The following PHACTR1 variants were observed in gnomAD, a reference collection of about 807,000 sequenced individuals.
The protein encoded by PHACTR1 is phosphatase and actin regulator 1.
Under a neutral mutation model 69.2 loss-of-function variants are expected in PHACTR1, and 16 were observed. The ratio of observed to expected loss-of-function variants is 0.23; its 90% CI spans 0.16 to 0.35. The LOEUF (loss-of-function observed/expected upper bound fraction) is 0.35. PHACTR1 is among the 10% of genes least tolerant of loss of function. The pLI, the probability that PHACTR1 is intolerant of heterozygous loss-of-function variation, is 1.00. For synonymous variants in PHACTR1, 312 were observed against 284.5 expected (o/e 1.10, Z -0.97); for missense variants, 510 against 734.7 (o/e 0.69, Z 3.54).
At chr6:13,006,052 T>C (rs758660001) in intron 4 of PHACTR1, among the ~76,000 whole-genome samples, 1 of 152,204 alleles carries the variant, frequency 6.6e-6, no homozygotes, top group Non-Finnish European at 1.5e-5. Flanking sequence ...TAAACGGCCC[T>C]GAGGGACTCA....
intron 7 of PHACTR1, among the ~76,000 whole-genome samples, chr6:13,186,028 C>T (rs975794770): frequency 6.6e-6 from 1 of 152,168 alleles, no homozygotes; most frequent in East Asian, 1.9e-4. Flanking sequence ...ATACTGAGTT[C>T]TATAAGAGTC....
intron 4 of PHACTR1, among the ~76,000 whole-genome samples, chr6:12,989,601 C>T (rs1353193751): frequency 6.6e-6 from 1 of 152,158 alleles, no homozygotes; most frequent in East Asian, 1.9e-4. Context: ...TCAACACTGC[C>T]TGTAGGATAT....
intron 6 of PHACTR1, among the ~76,000 whole-genome samples, chr6:13,177,655 G>A (rs989247965): frequency 4.6e-5 from 7 of 152,228 alleles, no homozygotes; most frequent in African/African-American, 7.2e-5. Context: ...CCAAAACCAG[G>A]GGGTGTCCCT....
At chr6:12,880,909 C>CTGATAATCAAA (rs1783028282) in intron 4 of PHACTR1, among the ~76,000 whole-genome samples, 1 of 152,032 alleles carries the variant, frequency 6.6e-6, no homozygotes, top group African/African-American at 2.4e-5. Flanking sequence ...GATTATCAGG[C>CTGATAATCAAA]TGTGAAATGT....
chr6:13,242,006 G>A (rs73357154), intron 10 of PHACTR1, among the ~76,000 whole-genome samples: 8,295 of 149,186 alleles, frequency 0.056, 710 homozygotes, highest in African/African-American at 0.19. Flanking sequence ...GCACTCCTCC[G>A]GTCTGGGCAA....
intron 4 of PHACTR1, among the ~76,000 whole-genome samples, chr6:12,778,837 A>G (rs560513311): frequency 1.3e-5 from 2 of 152,320 alleles, no homozygotes; most frequent in Admixed American, 6.5e-5. Flanking sequence ...TGTATAGTAT[A>G]TTACACGGTC....
At chr6:13,095,747 G>A (rs1024737363) in intron 5 of PHACTR1, among the ~76,000 whole-genome samples, 7 of 129,684 alleles carry the variant, frequency 5.4e-5, no homozygotes, top group Admixed American at 2.6e-4. Flanking sequence ...TATTGTGAAG[G>A]GCTTTTTTTT....
At chr6:13,121,519 A>T (rs907558543) in intron 5 of PHACTR1, among the ~76,000 whole-genome samples, 3 of 152,174 alleles carry the variant, frequency 2.0e-5, no homozygotes, top group Non-Finnish European at 2.9e-5. Context: ...TAACGATTAC[A>T]CTCTGCTATG....
chr6:13,234,136 C>T (rs1211007113), intron 10 of PHACTR1, among the ~76,000 whole-genome samples: 1 of 152,160 alleles, frequency 6.6e-6, no homozygotes, highest in Non-Finnish European at 1.5e-5. Flanking sequence ...TTCTAGCCAC[C>T]CATTCATCCT....
At chr6:12,871,849 T>A (rs1453235640) in intron 4 of PHACTR1, among the ~76,000 whole-genome samples, 1 of 152,078 alleles carries the variant, frequency 6.6e-6, no homozygotes. Flanking sequence ...CCATTTCCTC[T>A]GCATTGATTA....
intron 4 of PHACTR1, among the ~76,000 whole-genome samples, chr6:12,812,862 A>G (rs1355763493): frequency 1.3e-5 from 2 of 152,238 alleles, no homozygotes; most frequent in Non-Finnish European, 2.9e-5. Context: ...ATTGAAGCCC[A>G]TAAGCAATTT....
intron 4 of PHACTR1, among the ~76,000 whole-genome samples, chr6:12,898,712 T>A (rs1328031228): frequency 2.6e-5 from 4 of 152,202 alleles, no homozygotes. Context: ...GGCAGAACAC[T>A]CTTTCTCTCT....
chr6:13,133,346 G>A (rs1325482399), intron 5 of PHACTR1, among the ~76,000 whole-genome samples: 2 of 150,596 alleles, frequency 1.3e-5, no homozygotes, highest in African/African-American at 4.9e-5. Flanking sequence ...GATGCCAAAC[G>A]GAGGCCGGAC....
intron 5 of PHACTR1, among the ~76,000 whole-genome samples, chr6:13,063,613 A>C (rs570141486): frequency 0.017 from 2,516 of 151,760 alleles, 58 homozygotes; most frequent in African/African-American, 0.055. Context: ...ATTACCACAA[A>C]AAAAAAAAAA....
At chr6:12,905,517 G>A (rs149272713) in intron 4 of PHACTR1, among the ~76,000 whole-genome samples, 7 of 152,262 alleles carry the variant, frequency 4.6e-5, no homozygotes, top group South Asian at 2.1e-4. Context: ...AGGGTGACAC[G>A]GTCTTTGCTG....
chr6:13,238,784 T>A (rs4715184), intron 10 of PHACTR1, among the ~76,000 whole-genome samples: 20,057 of 152,120 alleles, frequency 0.13, 1,895 homozygotes, highest in Admixed American at 0.24. Context: ...GCATCTCCCC[T>A]GGCTAGGTAA....
chr6:13,201,778 G>A (rs957797109), intron 7 of PHACTR1, among the ~76,000 whole-genome samples: 6 of 152,168 alleles, frequency 3.9e-5, no homozygotes, highest in Non-Finnish European at 5.9e-5. Flanking sequence ...GTGTTAAGAT[G>A]TTGTAAAAAT....
chr6:12,753,615 A>T (rs1243836799), intron 4 of PHACTR1, among the ~76,000 whole-genome samples: 3 of 152,194 alleles, frequency 2.0e-5, no homozygotes, highest in Admixed American at 6.5e-5. Context: ...TTAAATTAAC[A>T]GTATGGTCAA....
At chr6:12,974,724 G>A (rs192007015) in intron 4 of PHACTR1, among the ~76,000 whole-genome samples, 14 of 152,286 alleles carry the variant, frequency 9.2e-5, no homozygotes, top group Non-Finnish European at 7.3e-5. Context: ...CTTGGGGTTT[G>A]GGGTTTCCAA....
Sources: gnomAD v4.1 joint callset for allele counts (sites outside exome capture counted in the v4.1 genomes callset) on GRCh38, gnomAD v4.1.1 for gene constraint, MANE v1.5 for transcripts, NCBI Gene and HGNC (gene_info 2026-07-23, HGNC 2026-07-21) for gene names.